The following THTPA variants were observed in gnomAD, a reference collection of about 807,000 sequenced individuals.
THTPA encodes the protein thiamine-triphosphatase.
A neutral mutation model predicts 16.5 loss-of-function variants in THTPA; 16 were observed. The observed-to-expected ratio is 0.97, with a 90% CI of 0.66 to 1.47. The LOEUF (loss-of-function observed/expected upper bound fraction) is 1.47, where lower values mean the gene tolerates loss of function less well. THTPA is among the 40% of genes most tolerant of loss of function. The pLI, the probability that THTPA is intolerant of heterozygous loss-of-function variation, is 0.00. For missense variants in THTPA, 281 were observed against 280.9 expected (o/e 1.00, Z 0.00); for synonymous variants, 110 against 115.5 (o/e 0.95, Z 0.30).
chr14:23,524,714 T>C, the THTPA span: 21 of 1,536,122 alleles, frequency 1.4e-5, no homozygotes, highest in Non-Finnish European at 1.7e-5. This position sits in a 1 kb window ranked among gnomAD's most constrained non-coding sequence, Gnocchi z 5.6. Flanking sequence ...TTGGCTCAGC[T>C]CCTCCCCATC....
chr14:23,533,486 C>G, the THTPA span: 20 of 1,535,880 alleles, frequency 1.3e-5, no homozygotes, highest in Non-Finnish European at 1.7e-5. This position sits in a 1 kb window ranked among gnomAD's most constrained non-coding sequence, Gnocchi z 4.8. Context: ...GGGCCTGGCC[C>G]CATCAATCCA....
chr14:23,548,552 G>A, the THTPA span: 15 of 152,224 alleles, frequency 9.9e-5, no homozygotes, highest in African/African-American at 3.6e-4. Context: ...TCAGAGGCTT[G>A]AGGTCTTTGG....
At chr14:23,540,032 G>A in the THTPA span, among the ~76,000 whole-genome samples, 1 of 152,200 alleles carries the variant, frequency 6.6e-6, no homozygotes, top group African/African-American at 2.4e-5. Context: ...CGGTCTCCCA[G>A]GCTGGAGTGC....
chr14:23,522,077 G>C, the THTPA span: 2 of 1,536,190 alleles, frequency 1.3e-6, no homozygotes, highest in South Asian at 1.2e-5. Flanking sequence ...GGCGGCGTTG[G>C]TGATGGAGAT....
chr14:23,541,271 A>C, the THTPA span, among the ~76,000 whole-genome samples: 6 of 150,654 alleles, frequency 4.0e-5, no homozygotes, highest in African/African-American at 7.3e-5. Context: ...TGAGGGCAGA[A>C]TCTTAGATGG....
the THTPA span, chr14:23,529,720 T>G: frequency 6.5e-7 from 1 of 1,536,118 alleles, no homozygotes; most frequent in African/African-American, 1.4e-5. Flanking sequence ...CGTGGTCTGG[T>G]TGGCACTGTC....
chr14:23,515,880 G>A, the THTPA span, among the ~76,000 whole-genome samples: 1 of 152,182 alleles, frequency 6.6e-6, no homozygotes, highest in African/African-American at 2.4e-5. Context: ...GTGGTGAGTG[G>A]ACAATGTTTC....
chr14:23,527,059 T>C, the THTPA span: 1 of 1,404,266 alleles, frequency 7.1e-7, no homozygotes, highest in Non-Finnish European at 9.2e-7. Context: ...ACACCTGTAC[T>C]TGTGCCGAGA....
rs756428786 is a variant in THTPA, at chr14:23,558,786, C to T, written c.639C>T (p.Asn213=). 1.2e-6 allele frequency: 2 copies of T among 1,614,100 alleles called. No homozygotes were observed. The highest frequency in any genetic ancestry group is 4.5e-5 in the East Asian group (2 of 44,900). Residue 213 remains asparagine (N), a synonymous_variant, in exon 2 of 2, where the codon AAC becomes AAT. Coordinates refer to ENST00000288014, the MANE Select transcript of THTPA (RefSeq NM_024328.6). ...PQDYQRLLEV[N]SSRERPQETE... The stretch of plus-strand genomic sequence containing the variant: ...ACTATCAGCGCCTGCTAGAAGTGAA[C>T]AGCTCCAGAGAGAGGCCACAGGAGA...
the THTPA span, chr14:23,525,880 T>C: frequency 4.8e-6 from 7 of 1,444,594 alleles, no homozygotes; most frequent in Non-Finnish European, 6.3e-6. The surrounding 1 kb of genome is among the most constrained non-coding windows in gnomAD (Gnocchi z 5.9). Flanking sequence ...GCTTAAGCAG[T>C]GATTCGGGCA....
chr14:23,531,596 G>T, the THTPA span: 2 of 1,526,484 alleles, frequency 1.3e-6, no homozygotes, highest in Non-Finnish European at 1.8e-6. Flanking sequence ...CCTGGGCATC[G>T]CGGTGGGCAG....
At chr14:23,527,438 C>T in the THTPA span, among the ~76,000 whole-genome samples, 1 of 152,168 alleles carries the variant, frequency 6.6e-6, no homozygotes, top group Non-Finnish European at 1.5e-5. Context: ...CTGGATGGCC[C>T]TAACAAGGCC....
the THTPA span, chr14:23,523,554 C>A: frequency 2.0e-6 from 3 of 1,537,290 alleles, no homozygotes; most frequent in Non-Finnish European, 2.6e-6. The surrounding 1 kb of genome is among the most constrained non-coding windows in gnomAD (Gnocchi z 4.1). Context: ...GTGCTCCCAG[C>A]GGCTGTCCCC....
At chr14:23,530,142 G>A in the THTPA span, 12 of 1,536,098 alleles carry the variant, frequency 7.8e-6, no homozygotes, top group Non-Finnish European at 9.6e-6. Context: ...TCTTGTTCTG[G>A]GCATCTTTCT....
chr14:23,555,297 C>T (rs1009053216), upstream of THTPA, among the ~76,000 whole-genome samples: 1 of 152,150 alleles, frequency 6.6e-6, no homozygotes, highest in Non-Finnish European at 1.5e-5. Flanking sequence ...CCGCACCGGC[C>T]TTTCTGTATT....
the THTPA span, chr14:23,533,145 G>A: frequency 6.8e-7 from 1 of 1,461,802 alleles, no homozygotes; most frequent in Non-Finnish European, 9.0e-7. This position sits in a 1 kb window ranked among gnomAD's most constrained non-coding sequence, Gnocchi z 4.8. Flanking sequence ...GGTTCTCTAT[G>A]TGGGGAGGTG....
At chr14:23,517,051 C>A in the THTPA span, among the ~76,000 whole-genome samples, 1 of 152,140 alleles carries the variant, frequency 6.6e-6, no homozygotes, top group South Asian at 2.1e-4. Context: ...CTATACTCAA[C>A]CTGCTTCCCC....
At chr14:23,551,058 C>G (rs1387912413), upstream of THTPA, among the ~76,000 whole-genome samples, 1 of 152,010 alleles carries the variant, frequency 6.6e-6, no homozygotes, top group Non-Finnish European at 1.5e-5. The surrounding 1 kb of genome is among the most constrained non-coding windows in gnomAD (Gnocchi z 5.3). Context: ...CTGCCTTTCC[C>G]GTTCCCGTTT....
chr14:23,524,671 A>G, the THTPA span: 3 of 1,536,294 alleles, frequency 2.0e-6, no homozygotes, highest in Admixed American at 3.9e-5. The surrounding 1 kb of genome is among the most constrained non-coding windows in gnomAD (Gnocchi z 5.6). Flanking sequence ...CCTTCTCTTC[A>G]GGCTCTTTGC....
Sources: allele counts gnomAD v4.1 joint callset (sites outside exome capture counted in the v4.1 genomes callset), GRCh38; gene constraint gnomAD v4.1.1; non-coding constraint Gnocchi (gnomAD v3.1); transcripts MANE v1.5; gene names NCBI Gene and HGNC (gene_info 2026-07-23, HGNC 2026-07-21).